ADAMTSL1: variants seen among roughly 807,000 people sequenced by gnomAD.
The protein encoded by ADAMTSL1 is ADAMTS like 1, also known as ADAMTS-like protein 1.
In ADAMTSL1, 126 loss-of-function variants were observed where a neutral mutation model predicts 201.8. The observed-to-expected ratio is 0.62, with a 90% confidence interval of 0.54 to 0.72. The LOEUF is 0.72. Among genes scored for constraint, ADAMTSL1 ranks in the 30% least tolerant of loss-of-function variants. ADAMTSL1 has a pLI of 0.00. For synonymous variants in ADAMTSL1, 1,121 were observed against 903.4 expected (o/e 1.24, Z -4.32); for missense variants, 2,679 against 2,277.8 (o/e 1.18, Z -3.59).
intron 7 of ADAMTSL1, among the ~76,000 whole-genome samples, chr9:18,657,383 T>A (rs1264917378): frequency 6.6e-6 from 1 of 152,160 alleles, no homozygotes; most frequent in Non-Finnish European, 1.5e-5. Context: ...GATAGTGAAA[T>A]CACAAATTGA....
At chr9:18,300,910 C>G (rs1425160992) in intron 2 of ADAMTSL1, among the ~76,000 whole-genome samples, 2 of 151,962 alleles carry the variant, frequency 1.3e-5, no homozygotes, top group African/African-American at 2.4e-5. Flanking sequence ...TATATTGAGA[C>G]TATATTGAGA....
chr9:18,012,494 C>CA (rs1002262834), intron 1 of ADAMTSL1, among the ~76,000 whole-genome samples: 3 of 152,056 alleles, frequency 2.0e-5, no homozygotes, highest in African/African-American at 7.2e-5. Flanking sequence ...TACTTGCCTC[C>CA]ACCCATTTTC....
At chr9:18,791,190 C>T (rs1464534727) in intron 19 of ADAMTSL1, among the ~76,000 whole-genome samples, 2 of 152,174 alleles carry the variant, frequency 1.3e-5, no homozygotes, top group Admixed American at 6.5e-5. Flanking sequence ...TGAAGCAAGC[C>T]TCCGTCTCTG....
In ADAMTSL1 at chr9:18,908,611, C is replaced by T. The variant is rs1364152779; in HGVS notation, c.*63C>T. On this transcript the variant is annotated 3_prime_UTR_variant, in exon 29 of 29. Coordinates refer to ENST00000380548, the MANE Select transcript of ADAMTSL1 (RefSeq NM_001040272.6). Reference sequence around the variant, plus strand: ...GAAGGACTCACGCAACCACCTCGGACAGAACCTAAGCTTTCTTCATTTTAT... The same window carrying T: ...GAAGGACTCACGCAACCACCTCGGATAGAACCTAAGCTTTCTTCATTTTAT... 1.1e-5 allele frequency: 14 copies of T among 1,302,366 alleles called. No homozygotes were observed. In the East Asian group the frequency reaches 3.3e-4, roughly 31 times the overall value. The allele number at this position is 1,302,366 out of a possible 1,614,324, so 80.7% of individuals were successfully genotyped here. A position where few individuals can be genotyped will look rare whatever the true frequency, so the allele number is the denominator to read the frequency against.
chr9:18,234,557 G>C (rs140239645), intron 2 of ADAMTSL1, among the ~76,000 whole-genome samples: 1 of 152,226 alleles, frequency 6.6e-6, no homozygotes, highest in African/African-American at 2.4e-5. Flanking sequence ...GGTAATAATA[G>C]AAGTGCCAGA....
chr9:18,376,562 T>C, intron 2 of ADAMTSL1, among the ~76,000 whole-genome samples: 1 of 152,230 alleles, frequency 6.6e-6, no homozygotes, highest in East Asian at 1.9e-4. Context: ...CCTAGCACTT[T>C]GGGAGGCCGA....
chr9:18,417,927 A>G (rs1187607645), intron 2 of ADAMTSL1, among the ~76,000 whole-genome samples: 1 of 152,166 alleles, frequency 6.6e-6, no homozygotes, highest in African/African-American at 2.4e-5. Context: ...AAAAAATAAC[A>G]CTATAGAGCA....
chr9:18,681,708 G>GGT, intron 11 of ADAMTSL1, 104 bp from the exon 12 acceptor site: 5 of 745,514 alleles, frequency 6.7e-6, no homozygotes, highest in East Asian at 3.3e-5. Context: ...GGGGGGGGGG[G>GGT]GCGGGGAAAA....
At chr9:18,593,792 T>A in intron 4 of ADAMTSL1, among the ~76,000 whole-genome samples, 1 of 144,158 alleles carries the variant, frequency 6.9e-6, no homozygotes, top group Non-Finnish European at 1.5e-5. Context: ...ATTTCAGGTT[T>A]TTTTTTAATG....
intron 4 of ADAMTSL1, among the ~76,000 whole-genome samples, chr9:18,618,795 G>T (rs1340208408): frequency 6.6e-6 from 1 of 152,130 alleles, no homozygotes; most frequent in Non-Finnish European, 1.5e-5. Flanking sequence ...CTTCCCAGAA[G>T]CCTCACTTCT....
chr9:18,592,243 G>C (rs1001119034), intron 4 of ADAMTSL1, among the ~76,000 whole-genome samples: 2 of 152,080 alleles, frequency 1.3e-5, no homozygotes, highest in African/African-American at 4.8e-5. Flanking sequence ...TCAAACCACT[G>C]AGCTGTTCTT....
intron 4 of ADAMTSL1, among the ~76,000 whole-genome samples, chr9:18,619,193 G>A (rs930720927): frequency 2.0e-5 from 3 of 151,986 alleles, no homozygotes; most frequent in East Asian, 1.9e-4. Context: ...ATTAATAGTA[G>A]GTCTTAAAGT....
intron 2 of ADAMTSL1, among the ~76,000 whole-genome samples, chr9:18,181,180 G>A (rs201857839): frequency 1.2e-4 from 19 of 152,170 alleles, no homozygotes; most frequent in Middle Eastern, 3.4e-3. Flanking sequence ...AACCATAAAA[G>A]CCCTAGAAGA....
At chr9:18,696,667 A>G (rs1311215704) in intron 13 of ADAMTSL1, among the ~76,000 whole-genome samples, 1 of 152,098 alleles carries the variant, frequency 6.6e-6, no homozygotes, top group Non-Finnish European at 1.5e-5. Flanking sequence ...TGAGGTGATG[A>G]AGAGCACCAA....
chr9:18,717,198 C>G (rs1399433565), intron 14 of ADAMTSL1, among the ~76,000 whole-genome samples: 1 of 149,596 alleles, frequency 6.7e-6, no homozygotes, highest in African/African-American at 2.5e-5. Context: ...AACTAACCTG[C>G]ACATTGTGCA....
chr9:18,048,478 A>G lies in ADAMTSL1; in HGVS notation c.88-115384A>G, dbSNP rs539790924. ...CTGCTATATAGATAGTGGCTCATTA[A>G]TTGTAACAAACATACCATATATGTA... On this transcript the variant is annotated intron_variant, in intron 1 of 29. Coordinates refer to the ADAMTSL1 transcript ENST00000680146. 2.0e-4 allele frequency among the ~76,000 whole-genome samples: 31 copies of G among 152,322 alleles called. 1 individual carries two copies. The South Asian group carries it at 5.4e-3, about 26-fold the overall frequency.
intron 1 of ADAMTSL1, among the ~76,000 whole-genome samples, chr9:18,034,482 A>G (rs1228404176): frequency 6.6e-6 from 1 of 152,144 alleles, no homozygotes; most frequent in Non-Finnish European, 1.5e-5. Flanking sequence ...TTTCACCAGG[A>G]TCTTAAGTAT....
intron 23 of ADAMTSL1, among the ~76,000 whole-genome samples, chr9:18,849,138 A>G (rs1480864399): frequency 2.6e-5 from 4 of 152,208 alleles, no homozygotes; most frequent in Non-Finnish European, 5.9e-5. Flanking sequence ...CATGTCTCCC[A>G]GCTAGATCTA....
At chr9:18,852,936 C>A (rs1475086659) in intron 23 of ADAMTSL1, among the ~76,000 whole-genome samples, 1 of 152,156 alleles carries the variant, frequency 6.6e-6, no homozygotes, top group African/African-American at 2.4e-5. Flanking sequence ...ATGGAGAAGG[C>A]AGATATTCAG....
Sources: gnomAD v4.1 joint callset for allele counts (sites outside exome capture counted in the v4.1 genomes callset) on GRCh38, gnomAD v4.1.1 for gene constraint, MANE v1.5 for transcripts, NCBI Gene and HGNC (gene_info 2026-07-23, HGNC 2026-07-21) for gene names.